ADAMTS3: variants seen among roughly 807,000 people sequenced by gnomAD.
ADAMTS3 encodes the protein A disintegrin and metalloproteinase with thrombospondin motifs 3.
Under a neutral mutation model 129.0 loss-of-function variants are expected in ADAMTS3, and 73 were observed. The observed-to-expected ratio is 0.57, with a 90% CI of 0.47 to 0.69. The LOEUF is 0.69. Among genes scored for constraint, ADAMTS3 ranks in the 30% least tolerant of loss-of-function variants. ADAMTS3 has a pLI of 0.00. For missense variants in ADAMTS3, 1,457 were observed against 1,514.5 expected (o/e 0.96, Z 0.63); for synonymous variants, 477 against 510.8 (o/e 0.93, Z 0.89).
In ADAMTS3 at chr4:72,418,963, T is replaced by C. The variant is rs549236157; in HGVS notation, c.505-3992A>G. Among the ~76,000 whole-genome samples, 22 of 152,320 alleles carry C rather than the reference T, an allele frequency of 1.4e-4. No homozygotes were observed. In the South Asian group the frequency reaches 3.7e-3, roughly 26 times the overall value. On this transcript the variant is annotated intron_variant, in intron 3 of 21. Transcript: ENST00000286657. The stretch of plus-strand genomic sequence containing the variant: ...TCTTTTTCTATTTCCAAGGTCCTTA[T>C]AACATCAGGTCTTTGCAATGCCATT...
chr4:72,357,421 A>G (rs60251778), intron 4 of ADAMTS3, among the ~76,000 whole-genome samples: 11,563 of 152,012 alleles, frequency 0.076, 1,501 homozygotes, highest in African/African-American at 0.26. Context: ...TTAGACAACC[A>G]ACTAGCACGA....
intron 4 of ADAMTS3, among the ~76,000 whole-genome samples, chr4:72,375,653 G>C (rs1257274267): frequency 6.6e-6 from 1 of 152,104 alleles, no homozygotes; most frequent in East Asian, 1.9e-4. Context: ...AATTTGCATA[G>C]CAGGATAAAG....
chr4:72,503,889 T>C (rs1720087959), intron 3 of ADAMTS3, among the ~76,000 whole-genome samples: 1 of 152,234 alleles, frequency 6.6e-6, no homozygotes, highest in Non-Finnish European at 1.5e-5. Flanking sequence ...TGGTTTAATG[T>C]CTGTTTCATC....
At chr4:72,533,218 G>GT (rs1293960766) in intron 3 of ADAMTS3, among the ~76,000 whole-genome samples, 4 of 152,026 alleles carry the variant, frequency 2.6e-5, no homozygotes, top group African/African-American at 9.6e-5. Context: ...ATTGTTTTTG[G>GT]TTTTTAAACT....
At chr4:72,567,541 C>T (rs1172367444) in intron 1 of ADAMTS3, 140 bp from the exon 2 acceptor site, 4 of 793,796 alleles carry the variant, frequency 5.0e-6, no homozygotes, top group Non-Finnish European at 8.0e-6. Flanking sequence ...TGCCTAAAGC[C>T]TGCACCTTGG....
At position 72,540,374 on chromosome 4, in the gene ADAMTS3, T is replaced by C. The variant is rs138027149; in HGVS notation, c.504+8104A>G. On this transcript the variant is annotated intron_variant, in intron 3 of 21. Coordinates refer to ENST00000286657, the MANE Select transcript of ADAMTS3 (RefSeq NM_014243.3). ...AGCATTCAAGAGGCGACTTGGATGT[T>C]GTTAATCGCATTCAGTTTTATAAGG... is the stretch of plus-strand genomic sequence containing the variant. Among the ~76,000 whole-genome samples, 881 of 152,292 alleles carry C rather than the reference T, an allele frequency of 5.8e-3. 2 individuals carry two copies. The highest frequency in any genetic ancestry group is 0.02 in the African/African-American group (846 of 41,558).
chr4:72,568,615 A>T lies in ADAMTS3; in HGVS notation c.69+79T>A, dbSNP rs866391377. The T allele has an allele frequency of 8.5e-5, 89 of 1,046,458 alleles. No individual in the cohort carries two copies. In the Middle Eastern group the frequency reaches 1.6e-3, roughly 19 times the overall value. The allele number at this position is 1,046,458 out of a possible 1,614,324, so 64.8% of individuals were successfully genotyped here. A position where few individuals can be genotyped will look rare whatever the true frequency, so the allele number is the denominator to read the frequency against. ...GGGTGGGAGGAGAAGGAGGAAAGAGAGGAGGGTAGAGAGGGGAGGAACTTT... is the reference window on the plus strand; with the variant it reads ...GGGTGGGAGGAGAAGGAGGAAAGAGTGGAGGGTAGAGAGGGGAGGAACTTT... On this transcript the variant is annotated intron_variant, in intron 1 of 21. Transcript: ENST00000286657.
At chr4:72,530,240 A>ATATATATAATATATTTATATTATATAT (rs1491163097) in intron 3 of ADAMTS3, among the ~76,000 whole-genome samples, 5 of 80,196 alleles carry the variant, frequency 6.2e-5, no homozygotes, top group Non-Finnish European at 2.1e-5. Context: ...TATATATTAA[A>ATATATATAATATATTTATATTATATAT]TATATATAAT....
intron 4 of ADAMTS3, among the ~76,000 whole-genome samples, chr4:72,381,407 A>C (rs1721285814): frequency 6.6e-6 from 1 of 152,116 alleles, no homozygotes; most frequent in Non-Finnish European, 1.5e-5. Context: ...TTTTGCAATT[A>C]TGTCAGGCAA....
chr4:72,392,179 TC>T (rs1182910889), intron 4 of ADAMTS3, among the ~76,000 whole-genome samples: 1 of 152,138 alleles, frequency 6.6e-6, no homozygotes, highest in Admixed American at 6.6e-5. Flanking sequence ...ATTCCCTGAC[TC>T]CTGGAGACCA....
chr4:72,562,172 C>T (rs1049139918), intron 2 of ADAMTS3, among the ~76,000 whole-genome samples: 22 of 152,248 alleles, frequency 1.4e-4, no homozygotes, highest in African/African-American at 5.1e-4. Flanking sequence ...CTGCATCTTT[C>T]AGATTGCATA....
chr4:72,403,259 T>C (rs1721970019), intron 4 of ADAMTS3, among the ~76,000 whole-genome samples: 1 of 152,092 alleles, frequency 6.6e-6, no homozygotes, highest in African/African-American at 2.4e-5. Flanking sequence ...TAGAAAAATC[T>C]GCAAAAGTAA....
chr4:72,517,793 G>A (rs2109735712), intron 3 of ADAMTS3, among the ~76,000 whole-genome samples: 1 of 151,410 alleles, frequency 6.6e-6, no homozygotes, highest in African/African-American at 2.4e-5. Flanking sequence ...ACCAGCTCCT[G>A]GATTCATTGA....
chr4:72,467,356 T>C (rs1185333725), intron 3 of ADAMTS3, among the ~76,000 whole-genome samples: 1 of 152,080 alleles, frequency 6.6e-6, no homozygotes, highest in Non-Finnish European at 1.5e-5. Context: ...TCTATTGCAG[T>C]ATCTTCCAAC....
intron 4 of ADAMTS3, among the ~76,000 whole-genome samples, chr4:72,358,454 A>G (rs1333810084): frequency 6.6e-6 from 1 of 152,010 alleles, no homozygotes; most frequent in Non-Finnish European, 1.5e-5. Flanking sequence ...TTTGGGCTGT[A>G]CATATATAAT....
intron 3 of ADAMTS3, among the ~76,000 whole-genome samples, chr4:72,427,664 A>G (rs1722604956): frequency 6.6e-6 from 1 of 152,102 alleles, no homozygotes; most frequent in African/African-American, 2.4e-5. Flanking sequence ...AAAGAAGAGA[A>G]GAAAGGTTAG....
At chr4:72,386,592 A>T (rs1273380323) in intron 4 of ADAMTS3, among the ~76,000 whole-genome samples, 5 of 150,056 alleles carry the variant, frequency 3.3e-5, no homozygotes, top group Admixed American at 3.3e-4. Flanking sequence ...ATGGGGGAAG[A>T]GAGAGAGAGA....
intron 10 of ADAMTS3, among the ~76,000 whole-genome samples, chr4:72,317,312 C>A (rs995871302): frequency 3.3e-5 from 5 of 152,006 alleles, no homozygotes; most frequent in Admixed American, 6.6e-5. Flanking sequence ...AACATTAATG[C>A]AAGTAATTAG....
intron 3 of ADAMTS3, among the ~76,000 whole-genome samples, chr4:72,516,255 T>G (rs1720474678): frequency 6.6e-6 from 1 of 152,198 alleles, no homozygotes; most frequent in African/African-American, 2.4e-5. Context: ...TAGTATAGTT[T>G]CAAGTCAGGT....
Sources: gnomAD v4.1 joint callset for allele counts (sites outside exome capture counted in the v4.1 genomes callset) on GRCh38, gnomAD v4.1.1 for gene constraint, MANE v1.5 for transcripts, NCBI Gene and HGNC (gene_info 2026-07-23, HGNC 2026-07-21) for gene names.